The following FNDC3B variants were observed in gnomAD, a reference collection of about 807,000 sequenced individuals.
FNDC3B encodes fibronectin type III domain containing 3B, also known as fibronectin type III domain-containing protein 3B.
Under a neutral mutation model 151.5 loss-of-function variants are expected in FNDC3B, and 12 were observed. The ratio of observed to expected loss-of-function variants is 0.08; its 90% confidence interval spans 0.05 to 0.13. The LOEUF (loss-of-function observed/expected upper bound fraction) is 0.13. FNDC3B is among the 10% of genes least tolerant of loss of function. The probability of loss-of-function intolerance (pLI) is 1.00; values close to 1 mark genes in which losing one functional copy is unlikely to be tolerated. For synonymous variants in FNDC3B, 528 were observed against 549.0 expected, an observed-to-expected ratio of 0.96 and a Z score of 0.54; for missense variants, 1,214 against 1,505.3, an observed-to-expected ratio of 0.81 and a Z score of 3.20.
At chr3:172,225,718 A>G (rs977857615) in intron 3 of FNDC3B, 2 of 198,442 alleles carry the variant, frequency 1.0e-5, no homozygotes, top group Admixed American at 9.0e-5. Context: ...GAGTATGTTC[A>G]TCCTTCAGTT....
rs561018980 is a variant in FNDC3B at position 172,080,939 on chromosome 3, T to A, written c.-28-31513T>A. On this transcript the variant is annotated intron_variant, in intron 1 of 25. Coordinates refer to ENST00000415807, the MANE Select transcript of FNDC3B (RefSeq NM_022763.4). ...ATGTAAGTTAAGGACTTCAGCTGCT[T>A]ACGTTGTTTCCCATTGTTTGGAAAT... is the stretch of plus-strand genomic sequence containing the variant. 6.0e-4 allele frequency among the ~76,000 whole-genome samples: 91 copies of A among 152,338 alleles called. 1 individual carries two copies. Among genetic ancestry groups the A allele is most frequent in the African/African-American group, 2.1e-3 (88 of 41,570 alleles).
intron 25 of FNDC3B, among the ~76,000 whole-genome samples, chr3:172,391,868 A>G (rs1334505066): frequency 1.3e-5 from 2 of 152,364 alleles, no homozygotes; most frequent in Middle Eastern, 3.4e-3. Context: ...AAAGCATTCT[A>G]TACTTAGGAA....
rs376389882 is a variant in FNDC3B at position 172,075,483 on chromosome 3, TCAA to T, written c.-29+35722_-29+35724del. Among the ~76,000 whole-genome samples the T allele has an allele frequency of 2.5e-4, 38 of 152,248 alleles. No homozygotes were observed. The East Asian group carries it at 7.1e-3, about 29-fold the overall frequency. On this transcript the variant is annotated intron_variant, in intron 1 of 25. Coordinates refer to ENST00000415807, the MANE Select transcript of FNDC3B (RefSeq NM_022763.4). ...AAGATATAGAAATATCCCCTACACG[TCAA>T]CAACAACAAAAATGGGAATTAACCG...
chr3:172,188,980 A>G (rs1011273183), intron 3 of FNDC3B, among the ~76,000 whole-genome samples: 11 of 152,282 alleles, frequency 7.2e-5, no homozygotes, highest in African/African-American at 2.4e-4. Flanking sequence ...TTTCCTCACT[A>G]TGGGAAGAAG....
chr3:172,205,104 T>C (rs1336759635), intron 3 of FNDC3B, among the ~76,000 whole-genome samples: 1 of 152,254 alleles, frequency 6.6e-6, no homozygotes, highest in African/African-American at 2.4e-5. Flanking sequence ...CAGTATTTAT[T>C]TGCCTACCTG....
intron 1 of FNDC3B, among the ~76,000 whole-genome samples, chr3:172,043,014 A>C (rs892505617): frequency 1.3e-5 from 2 of 151,840 alleles, no homozygotes; most frequent in African/African-American, 4.8e-5. Context: ...TCCCGGATTC[A>C]AGCGATTCTC....
intron 3 of FNDC3B, among the ~76,000 whole-genome samples, chr3:172,194,152 G>A (rs547579143): frequency 6.2e-4 from 94 of 152,226 alleles, no homozygotes; most frequent in African/African-American, 2.0e-3. Context: ...CCCGGGGGGC[G>A]GAGCCTGCAG....
At chr3:172,070,052 T>G (rs1178903904) in intron 1 of FNDC3B, among the ~76,000 whole-genome samples, 1 of 152,180 alleles carries the variant, frequency 6.6e-6, no homozygotes, top group Admixed American at 6.5e-5. Context: ...TCCATTCCAG[T>G]CTCTGAATTC....
chr3:172,188,601 T>C (rs1724329480), intron 3 of FNDC3B, among the ~76,000 whole-genome samples: 2 of 151,890 alleles, frequency 1.3e-5, no homozygotes, highest in African/African-American at 4.8e-5. Context: ...GAGATGGGGT[T>C]TCACCATGTT....
rs1008230995 is a variant in FNDC3B at position 172,084,462 on chromosome 3, T to A, written c.-28-27990T>A. 1.1e-3 allele frequency among the ~76,000 whole-genome samples: 48 copies of A among 42,698 alleles called. 1 individual carries two copies. Among genetic ancestry groups the A allele is most frequent in the Non-Finnish European group, 2.0e-4 (4 of 19,636 alleles). 28.0% of individuals were successfully genotyped at this position (42,698 alleles called of 152,430 possible). On this transcript the variant is annotated intron_variant, in intron 1 of 25. Coordinates refer to ENST00000415807, the MANE Select transcript of FNDC3B (RefSeq NM_022763.4). ...GAGACCTTGTCTCAAAAAAAAAATA[T>A]GTATATGTATACACACACACACATA...
At chr3:172,240,977 C>A (rs1727462640) in intron 4 of FNDC3B, among the ~76,000 whole-genome samples, 1 of 152,070 alleles carries the variant, frequency 6.6e-6, no homozygotes, top group Non-Finnish European at 1.5e-5. Context: ...AGCAAGAATA[C>A]TAGGCACGTA....
intron 1 of FNDC3B, among the ~76,000 whole-genome samples, chr3:172,083,416 G>T (rs1218685203): frequency 6.6e-6 from 1 of 152,222 alleles, no homozygotes; most frequent in Non-Finnish European, 1.5e-5. Context: ...ATAGCATGCA[G>T]TAAATGAACT....
intron 7 of FNDC3B, among the ~76,000 whole-genome samples, chr3:172,289,716 G>A (rs757504464): frequency 1.2e-4 from 18 of 152,138 alleles, no homozygotes; most frequent in South Asian, 2.1e-4. Context: ...GGTTCTGGCC[G>A]GGGGCACAAA....
At chr3:172,380,943 G>C (rs370113212) in intron 24 of FNDC3B, 23 bp from the exon 25 acceptor site, 10 of 1,610,834 alleles carry the variant, frequency 6.2e-6, no homozygotes, top group Non-Finnish European at 8.5e-6. Context: ...TTTTGAGCTT[G>C]GATGTGTGGA....
At chr3:172,266,999 C>T (rs988055291) in intron 6 of FNDC3B, among the ~76,000 whole-genome samples, 10 of 152,210 alleles carry the variant, frequency 6.6e-5, no homozygotes, top group Admixed American at 6.5e-4. Flanking sequence ...CTACTACCTA[C>T]TATCCGCTAT....
At chr3:172,077,798 G>T (rs73165332) in intron 1 of FNDC3B, among the ~76,000 whole-genome samples, 2,273 of 152,204 alleles carry the variant, frequency 0.015, 27 homozygotes, top group South Asian at 0.028. Flanking sequence ...GACTGGAATA[G>T]TATTTGGCAT....
chr3:172,315,342 G>A (rs780403126), intron 11 of FNDC3B, among the ~76,000 whole-genome samples: 8 of 152,122 alleles, frequency 5.3e-5, no homozygotes, highest in Admixed American at 2.6e-4. Flanking sequence ...GCACCACTGC[G>A]CTCCAGCCTG....
chr3:172,276,842 G>A (rs1729456764), intron 6 of FNDC3B, among the ~76,000 whole-genome samples: 1 of 152,074 alleles, frequency 6.6e-6, no homozygotes, highest in South Asian at 2.1e-4. Flanking sequence ...AAAGTATAAG[G>A]GATTTCTGTT....
intron 9 of FNDC3B, among the ~76,000 whole-genome samples, chr3:172,299,676 C>T (rs968952514): frequency 2.0e-5 from 3 of 151,554 alleles, no homozygotes; most frequent in African/African-American, 7.3e-5. Flanking sequence ...AAATTGTAAG[C>T]ATGAAATATA....
Sources: gnomAD v4.1 joint callset for allele counts (sites outside exome capture counted in the v4.1 genomes callset) on GRCh38, gnomAD v4.1.1 for gene constraint, MANE v1.5 for transcripts, NCBI Gene and HGNC (gene_info 2026-07-23, HGNC 2026-07-21) for gene names.